ALDH1A1: variants seen among roughly 807,000 people sequenced by gnomAD.
ALDH1A1 encodes aldehyde dehydrogenase 1 family member A1.
Under a neutral mutation model 62.1 loss-of-function variants are expected in ALDH1A1, and 19 were observed. The observed-to-expected ratio is 0.31, with a 90% CI of 0.21 to 0.45. The LOEUF (loss-of-function observed/expected upper bound fraction) is 0.45, where lower values mean the gene tolerates loss of function less well. Ranked by LOEUF, ALDH1A1 falls within the 20% of genes least tolerant of loss-of-function variation. The pLI, the probability that ALDH1A1 is intolerant of heterozygous loss-of-function variation, is 1.00. For missense variants in ALDH1A1, 521 were observed against 607.1 expected (o/e 0.86, Z 1.49); for synonymous variants, 231 against 215.9 (o/e 1.07, Z -0.61).
chr9:72,930,419 T>C (rs1830266158), intron 3 of ALDH1A1, among the ~76,000 whole-genome samples: 1 of 152,196 alleles, frequency 6.6e-6, no homozygotes, highest in South Asian at 2.1e-4. Flanking sequence ...TTATTAAATA[T>C]CTTAGCGAGC....
At chr9:72,902,560 T>C (rs1306287351) in intron 12 of ALDH1A1, among the ~76,000 whole-genome samples, 2 of 152,046 alleles carry the variant, frequency 1.3e-5, no homozygotes, top group Admixed American at 6.6e-5. Context: ...CATTAAAAGA[T>C]AATATTTTAA....
intron 1 of ALDH1A1, among the ~76,000 whole-genome samples, chr9:72,944,396 G>A (rs1261788464): frequency 1.3e-5 from 2 of 152,060 alleles, no homozygotes; most frequent in Non-Finnish European, 1.5e-5. Flanking sequence ...TGACCTAGAT[G>A]GTTAGAAGGC....
intron 2 of ALDH1A1, among the ~76,000 whole-genome samples, chr9:72,936,823 C>T (rs548491586): frequency 5.9e-5 from 9 of 151,924 alleles, no homozygotes; most frequent in Non-Finnish European, 1.2e-4. Flanking sequence ...TCTTTGACCC[C>T]TGTTAAATGT....
chr9:72,916,693 C>T (rs1020756210), intron 9 of ALDH1A1, among the ~76,000 whole-genome samples: 1 of 152,164 alleles, frequency 6.6e-6, no homozygotes, highest in Non-Finnish European at 1.5e-5. Context: ...CTTTAATTCT[C>T]AGCATGGCCG....
chr9:72,904,727 C>T (rs553928981), intron 12 of ALDH1A1, among the ~76,000 whole-genome samples: 1 of 152,232 alleles, frequency 6.6e-6, no homozygotes, highest in South Asian at 2.1e-4. Flanking sequence ...GAGATGCCAT[C>T]CTGACTCTTA....
chr9:72,906,630 T>C (rs1332258825), intron 11 of ALDH1A1, among the ~76,000 whole-genome samples: 2 of 152,118 alleles, frequency 1.3e-5, no homozygotes, highest in Non-Finnish European at 2.9e-5. Flanking sequence ...ATTACATGAA[T>C]AGTAGTAATT....
Position 72,908,504 on chromosome 9 carries a change from G to GATGAAAGAAAGA in ALDH1A1, c.1358+1097_1358+1098insTCTTTCTTTCAT, listed in dbSNP as rs1234831079. ...AGAGAAAGAGAAAGAGAGAGAGAGA[G>GATGAAAGAAAGA]ACGAAAGAAAGAAAGAAAGAAAGAA... On this transcript the variant is annotated intron_variant, in intron 11 of 12. Coordinates refer to ENST00000297785, the MANE Select transcript of ALDH1A1 (RefSeq NM_000689.5). Among the ~76,000 whole-genome samples the GATGAAAGAAAGA allele has an allele frequency of 2.8e-4, 9 of 31,796 alleles. 1 individual carries two copies. The highest frequency in any genetic ancestry group is 1.1e-3 in the African/African-American group (9 of 8,508). 20.9% of individuals were successfully genotyped at this position (31,796 alleles called of 152,430 possible). A position where few individuals can be genotyped will look rare whatever the true frequency, so the allele number is the denominator to read the frequency against.
rs747288253 is a variant in ALDH1A1, at chr9:72,925,451, T to C, written c.633+33A>G. ...CCTATTGTAATTTAGGATTCTTGAG[T>C]TCTTGAGCATATTTTGATTTCGGGA... On this transcript the variant is annotated intron_variant, in intron 6 of 12. Coordinates refer to ENST00000297785, the MANE Select transcript of ALDH1A1 (RefSeq NM_000689.5). The C allele has an allele frequency of 8.1e-6, 13 of 1,608,680 alleles. No homozygotes were observed. The East Asian group carries it at 2.7e-4, about 33-fold the overall frequency.
chr9:72,918,096 A>C (rs1830086125), intron 8 of ALDH1A1, among the ~76,000 whole-genome samples: 1 of 152,236 alleles, frequency 6.6e-6, no homozygotes, highest in African/African-American at 2.4e-5. Context: ...ATGTTTGACC[A>C]TGCATTTCTG....
chr9:72,937,188 T>C (rs1272248637), intron 2 of ALDH1A1, among the ~76,000 whole-genome samples: 1 of 152,158 alleles, frequency 6.6e-6, no homozygotes, highest in Non-Finnish European at 1.5e-5. Flanking sequence ...TTATAGAATA[T>C]ACTATATCTA....
chr9:72,911,781 T>C (rs1053355736), intron 10 of ALDH1A1, among the ~76,000 whole-genome samples, 177 bp downstream of exon 10: 6 of 152,228 alleles, frequency 3.9e-5, no homozygotes, highest in African/African-American at 1.4e-4. Flanking sequence ...ATGGATCCCT[T>C]ACTACTTTTT....
chr9:72,919,133 GAAAAATGCTGATTTTTCATCAGCA>G (rs1285951558), intron 7 of ALDH1A1, among the ~76,000 whole-genome samples: 1 of 152,066 alleles, frequency 6.6e-6, no homozygotes, highest in Non-Finnish European at 1.5e-5. Flanking sequence ...AAAGGAATCA[GAAAAATGCTGATTTTTCATCAGCA>G]AGAAAGCAGA....
chr9:72,935,307 C>T (rs1340791462), intron 2 of ALDH1A1, among the ~76,000 whole-genome samples: 1 of 151,924 alleles, frequency 6.6e-6, no homozygotes, highest in Admixed American at 6.6e-5. Flanking sequence ...GATTTGCCAC[C>T]ATCAATAACA....
At chr9:72,905,000 T>C (rs1184294375) in intron 12 of ALDH1A1, among the ~76,000 whole-genome samples, 1 of 152,136 alleles carries the variant, frequency 6.6e-6, no homozygotes, top group Non-Finnish European at 1.5e-5. Flanking sequence ...AATTCTCCCA[T>C]TTCACTGACT....
At chr9:72,943,496 A>G (rs914236360) in intron 1 of ALDH1A1, among the ~76,000 whole-genome samples, 9 of 152,184 alleles carry the variant, frequency 5.9e-5, no homozygotes, top group African/African-American at 2.2e-4. Flanking sequence ...ACCTGAAGTA[A>G]TAACACATGT....
chr9:72,919,174 G>C (rs562491064), intron 7 of ALDH1A1, among the ~76,000 whole-genome samples: 1 of 152,156 alleles, frequency 6.6e-6, no homozygotes, highest in Non-Finnish European at 1.5e-5. Context: ...CAGAGATATA[G>C]AACACGGATA....
chr9:72,908,013 T>A (rs1829897237), intron 11 of ALDH1A1, among the ~76,000 whole-genome samples: 1 of 152,118 alleles, frequency 6.6e-6, no homozygotes, highest in Non-Finnish European at 1.5e-5. Context: ...TATACACTGA[T>A]ATAATTTGTG....
intron 1 of ALDH1A1, among the ~76,000 whole-genome samples, chr9:72,952,731 A>C (rs1283412231): frequency 6.6e-6 from 1 of 152,050 alleles, no homozygotes; most frequent in East Asian, 1.9e-4. Flanking sequence ...ATATTTTAAG[A>C]AATAAATTTA....
chr9:72,908,587 GAAAGA>G (rs1829928673), intron 11 of ALDH1A1, among the ~76,000 whole-genome samples: 2 of 136,560 alleles, frequency 1.5e-5, no homozygotes, highest in Admixed American at 1.4e-4. Context: ...AAGAAAGAAA[GAAAGA>G]AAGAAAGAAA....
Sources: gnomAD v4.1 joint callset for allele counts (sites outside exome capture counted in the v4.1 genomes callset) on GRCh38, gnomAD v4.1.1 for gene constraint, MANE v1.5 for transcripts, NCBI Gene and HGNC (gene_info 2026-07-23, HGNC 2026-07-21) for gene names.